The following GPR155 variants were observed in gnomAD, a reference collection of about 807,000 sequenced individuals.
The protein encoded by GPR155 is lysosomal cholesterol signaling protein.
In GPR155, 65 loss-of-function variants were observed where a neutral mutation model predicts 93.1. The ratio of observed to expected loss-of-function variants is 0.70; its 90% CI spans 0.57 to 0.86. The LOEUF is 0.86. Ranked by LOEUF, GPR155 falls within the 40% of genes least tolerant of loss-of-function variation. The probability of loss-of-function intolerance (pLI) is 0.00; values close to 1 mark genes in which losing one functional copy is unlikely to be tolerated. For missense variants in GPR155, 838 were observed against 1,034.8 expected (o/e 0.81, Z 2.61); for synonymous variants, 319 against 360.1 (o/e 0.89, Z 1.29).
At chr2:174,454,664 A>G (rs6723194) in intron 10 of GPR155, among the ~76,000 whole-genome samples, 28 of 126,120 alleles carry the variant, frequency 2.2e-4, no homozygotes, top group African/African-American at 1.0e-3. Context: ...GAAGAAGGGA[A>G]GGAGGGAAGG....
At position 174,446,695 on chromosome 2, in the gene GPR155, T is replaced by C. The variant is rs1687143313; in HGVS notation, c.1929A>G (p.Glu643=). Residue 643 remains glutamate, a synonymous_variant, in exon 12 of 16, where the codon GAA becomes GAG. Coordinates refer to ENST00000392552, the MANE Select transcript of GPR155 (RefSeq NM_152529.7). ...CTCCACTCTGTAGATACTGTTCTTC[T>C]TCCTGGGCTAATATGCAGCTCTGGG... The part of the protein sequence containing the change: ...CNSQSCILAQ[E]EEQYLQSGDQ... The C allele has an allele frequency of 6.2e-7, 1 of 1,614,014 alleles. No individual in the cohort carries two copies.
intron 11 of GPR155, among the ~76,000 whole-genome samples, chr2:174,452,437 T>C (rs563844841): frequency 1.2e-4 from 19 of 152,338 alleles, no homozygotes; most frequent in South Asian, 1.0e-3. Flanking sequence ...TTACATTTCT[T>C]ATATAAAAAC....
At chr2:174,477,142 T>G (rs1203581585) in intron 2 of GPR155, among the ~76,000 whole-genome samples, 1 of 152,174 alleles carries the variant, frequency 6.6e-6, no homozygotes, top group East Asian at 1.9e-4. Context: ...CATTTTTATA[T>G]CCATTTTTAA....
At position 174,466,537 on chromosome 2, in the gene GPR155, T is replaced by C. The variant is rs774570409; in HGVS notation, c.1266+7A>G. On this transcript the variant is annotated splice_region_variant and intron_variant, in intron 6 of 15. Transcript: ENST00000392552. ...ACATAGTTCTAAATATCAGTAGTTTTACTAACCTGAGCAATGAGTAAATTA... is the reference window on the plus strand; with the variant it reads ...ACATAGTTCTAAATATCAGTAGTTTCACTAACCTGAGCAATGAGTAAATTA... 2.8e-6 allele frequency: 4 copies of C among 1,412,272 alleles called. No homozygotes were observed. The allele number at this position is 1,412,272 out of a possible 1,614,324, so 87.5% of individuals were successfully genotyped here.
Position 174,448,632 on chromosome 2 carries a change from G to A in GPR155, c.1877-1885C>T, listed in dbSNP as rs531459484. On this transcript the variant is annotated intron_variant, in intron 11 of 15. Coordinates refer to ENST00000392552, the MANE Select transcript of GPR155 (RefSeq NM_152529.7). Reference sequence around the variant, plus strand: ...GGCTCACTGCAAGCTCCGCTTCCCGGGTTCACGCCATTCTCCTGCCTCAGC... The same window carrying A: ...GGCTCACTGCAAGCTCCGCTTCCCGAGTTCACGCCATTCTCCTGCCTCAGC... Among the ~76,000 whole-genome samples the A allele has an allele frequency of 5.3e-3, 781 of 147,750 alleles. 4 individuals carry two copies. Among genetic ancestry groups the A allele is most frequent in the African/African-American group, 0.018 (731 of 40,252 alleles).
intron 10 of GPR155, 111 bp from the exon 11 acceptor site, chr2:174,453,952 G>T: frequency 1.4e-6 from 1 of 715,964 alleles, no homozygotes; most frequent in South Asian, 1.5e-5. Flanking sequence ...CACTTCCCAT[G>T]TAGCCTCAAT....
chr2:174,444,244 C>A (rs1309970173), intron 13 of GPR155, among the ~76,000 whole-genome samples: 1 of 151,602 alleles, frequency 6.6e-6, no homozygotes, highest in Non-Finnish European at 1.5e-5. Flanking sequence ...GGAGAAACCC[C>A]GTCTCTACTA....
Position 174,481,573 on chromosome 2 carries a change from A to G in GPR155, c.384T>C (p.Asp128=), listed in dbSNP as rs1559121551. 3 of 1,613,678 alleles carry G rather than the reference A, an allele frequency of 1.9e-6. No individual in the cohort carries two copies. The highest frequency in any genetic ancestry group is 1.7e-4 in the Middle Eastern group (1 of 5,736). Residue 128 remains aspartate (D), a synonymous_variant, in exon 2 of 16, where the codon GAT becomes GAC. Transcript: ENST00000392552. ...ATAGTCCAGCTTTGCTAAATCGACT[A>G]TCAGGACTGGCAACCAATAAGGTTA... ...CVLTLLVASP[D]SRFSKAGLFP... is the part of the protein sequence containing the mutation.
intron 11 of GPR155, among the ~76,000 whole-genome samples, chr2:174,451,772 G>C (rs570029210): frequency 1.3e-5 from 2 of 152,024 alleles, no homozygotes; most frequent in East Asian, 3.9e-4. Flanking sequence ...CAGCCTCCTG[G>C]GTAGCTGGGA....
intron 3 of GPR155, among the ~76,000 whole-genome samples, chr2:174,471,153 T>A (rs1687984958): frequency 6.6e-6 from 1 of 152,022 alleles, no homozygotes; most frequent in Admixed American, 6.6e-5. Flanking sequence ...TTTGGGAGGC[T>A]GAGGCAGGCG....
At chr2:174,475,871 C>T (rs961753580) in intron 2 of GPR155, among the ~76,000 whole-genome samples, 1 of 152,142 alleles carries the variant, frequency 6.6e-6, no homozygotes, top group African/African-American at 2.4e-5. Flanking sequence ...TCCTAACCAG[C>T]CACAACAATA....
chr2:174,442,656 T>C (rs1339702686), intron 13 of GPR155, among the ~76,000 whole-genome samples: 3 of 152,138 alleles, frequency 2.0e-5, no homozygotes, highest in East Asian at 1.9e-4. Flanking sequence ...GATTTGTGAG[T>C]GTCAAGGCAA....
Position 174,473,366 on chromosome 2 carries a change from T to A in GPR155, c.461-2A>T. On this transcript the variant is annotated splice_acceptor_variant, in intron 2 of 15. Coordinates refer to ENST00000392552, the MANE Select transcript of GPR155 (RefSeq NM_152529.7). LOFTEE classifies it high-confidence loss of function. ...ATGTAGTTTGATATAAAGCTTCAAC[T>A]GCAAAACAAGAATATTGATTTTTAA... 6.5e-7 allele frequency: 1 copy of A among 1,549,422 alleles called. No individual in the cohort carries two copies. The highest frequency in any genetic ancestry group is 8.7e-7 in the Non-Finnish European group (1 of 1,142,886).
rs140519662 is a variant in GPR155, at chr2:174,446,783, G to A, written c.1877-36C>T. On this transcript the variant is annotated intron_variant, in intron 11 of 15. Coordinates refer to ENST00000392552, the MANE Select transcript of GPR155 (RefSeq NM_152529.7). ...GTAAGCACAACAATTTGTAATCAGA[G>A]CTTTTTATCTAAATGCATTTTAAAT... 2,402 of 1,596,488 alleles carry A rather than the reference G, an allele frequency of 1.5e-3. 32 individuals carry two copies. The African/African-American group carries it at 0.027, about 18-fold the overall frequency.
intron 2 of GPR155, among the ~76,000 whole-genome samples, chr2:174,478,041 T>C (rs1474143488): frequency 1.3e-5 from 2 of 152,232 alleles, no homozygotes; most frequent in African/African-American, 2.4e-5. Context: ...AGAGTACTTA[T>C]GCTATCAGCA....
rs780838905 is a variant in GPR155, at chr2:174,436,190, C to T, written c.2539G>A (p.Ala847Thr). The change falls in exon 16 of 16, where the codon GCA becomes ACA. Residue 847 changes from alanine (A) to threonine (T), a missense_variant. Ala to Thr is a moderately conservative substitution (Grantham distance 58). Coordinates refer to ENST00000392552, the MANE Select transcript of GPR155 (RefSeq NM_152529.7). ...TATCTTTCCTGTTGGAGAGTGTTTG[C>T]ATTAATAGCAGGAGGACTCTGTTCA... is the stretch of plus-strand genomic sequence containing the variant. ...SPEQSPPAIN[A>T]NTLQQERYKE... 34 of 1,613,700 alleles carry T rather than the reference C, an allele frequency of 2.1e-5. No homozygotes were observed. In the South Asian group the frequency reaches 3.0e-4, roughly 14 times the overall value.
rs1338332010 is a variant in GPR155 at position 174,435,458 on chromosome 2, T to G, written c.*658A>C. 2 of 141,122 alleles carry G rather than the reference T, an allele frequency of 1.4e-5. No individual in the cohort carries two copies. Among genetic ancestry groups the G allele is most frequent in the African/African-American group, 2.8e-5 (1 of 35,880 alleles). 8.7% of individuals were successfully genotyped at this position (141,122 alleles called of 1,614,324 possible). On this transcript the variant is annotated 3_prime_UTR_variant, in exon 16 of 16. Coordinates refer to ENST00000392552, the MANE Select transcript of GPR155 (RefSeq NM_152529.7). ...TATATGCAAATACTACACCATTTTA[T>G]TAATTATTTTATTTTATTTTATTTT...
chr2:174,446,148 A>G (rs547228134), intron 12 of GPR155, among the ~76,000 whole-genome samples: 2 of 152,058 alleles, frequency 1.3e-5, no homozygotes, highest in South Asian at 4.1e-4. Flanking sequence ...CTCTACTACA[A>G]ATACAAAAAT....
chr2:174,472,857 G>A, intron 3 of GPR155, 108 bp downstream of exon 3: 1 of 789,980 alleles, frequency 1.3e-6, no homozygotes, highest in Non-Finnish European at 2.1e-6. Flanking sequence ...CTACAAGGAG[G>A]GGTTATTAAT....
Sources: allele counts gnomAD v4.1 joint callset (sites outside exome capture counted in the v4.1 genomes callset), GRCh38; gene constraint gnomAD v4.1.1; transcripts MANE v1.5; gene names NCBI Gene and HGNC (gene_info 2026-07-23, HGNC 2026-07-21).